MUC22: variants seen among roughly 807,000 people sequenced by gnomAD.
MUC22 encodes mucin-22.
MUC22 carries 24 observed loss-of-function variants against 40.3 expected under a neutral mutation model. The ratio of observed to expected loss-of-function variants is 0.60; its 90% CI spans 0.43 to 0.84. The LOEUF is 0.84. Ranked by LOEUF, MUC22 falls within the 40% of genes least tolerant of loss-of-function variation. MUC22 has a pLI of 0.00. For missense variants in MUC22, 1,926 were observed against 2,130.7 expected, an observed-to-expected ratio of 0.90 and a Z score of 1.89; for synonymous variants, 765 against 844.5, an observed-to-expected ratio of 0.91 and a Z score of 1.63.
intron 1 of MUC22, among the ~76,000 whole-genome samples, chr6:31,018,419 T>C (rs1266858421): frequency 6.6e-6 from 1 of 152,214 alleles, no homozygotes; most frequent in Non-Finnish European, 1.5e-5. Flanking sequence ...ATTAATAATC[T>C]ACCAGTAGTT....
exon 4 of MUC22, chr6:31,035,019 T>A: frequency 7.2e-7 from 1 of 1,397,156 alleles, no homozygotes; most frequent in Non-Finnish European, 9.5e-7. Context: ...AGATTGGGTA[T>A]CAAAACATAT....
rs867887576 is a variant in MUC22, at chr6:31,026,717, T to C, written c.1286T>C (p.Val429Ala). 9 of 1,491,892 alleles carry C rather than the reference T, an allele frequency of 6.0e-6. No individual in the cohort carries two copies. In the African/African-American group the frequency reaches 1.3e-4, roughly 22 times the overall value. 92.4% of individuals were successfully genotyped at this position (1,491,892 alleles called of 1,614,324 possible). Residue 429 changes from valine (V) to alanine (A), a missense_variant, in exon 2 of 4, where the codon GTC becomes GCC. Coordinates refer to ENST00000561890, the Ensembl canonical transcript of MUC22. Reference sequence around the variant, plus strand: ...ACCACAGGCTCTGAGATGACCACAGTCTTCACTGCAGGCTCGGAAACCATC... The same window carrying C: ...ACCACAGGCTCTGAGATGACCACAGCCTTCACTGCAGGCTCGGAAACCATC...
At chr6:31,022,298 C>T (rs1338135718) in intron 1 of MUC22, among the ~76,000 whole-genome samples, 3 of 152,126 alleles carry the variant, frequency 2.0e-5, no homozygotes, top group Non-Finnish European at 2.9e-5. Context: ...GCTGGGATTA[C>T]AGGCATGTAA....
chr6:31,022,022 C>G (rs1273680692), intron 1 of MUC22, among the ~76,000 whole-genome samples: 1 of 152,132 alleles, frequency 6.6e-6, no homozygotes, highest in Non-Finnish European at 1.5e-5. Context: ...AACAATTCCA[C>G]ACGCATGGGC....
intron 1 of MUC22, among the ~76,000 whole-genome samples, chr6:31,022,733 G>C (rs1384053397): frequency 1.3e-5 from 2 of 152,170 alleles, no homozygotes; most frequent in African/African-American, 2.4e-5. Context: ...TGAGCTCACT[G>C]GGAGGTAGAC....
At chr6:31,023,126 A>G (rs1258721877) in intron 1 of MUC22, among the ~76,000 whole-genome samples, 2 of 151,464 alleles carry the variant, frequency 1.3e-5, no homozygotes, top group African/African-American at 4.9e-5. Context: ...CAAGACGCTC[A>G]AAAAACAAAA....
At chr6:31,012,841 C>T (rs796694799) in intron 1 of MUC22, among the ~76,000 whole-genome samples, 16 of 152,296 alleles carry the variant, frequency 1.1e-4, no homozygotes, top group African/African-American at 3.6e-4. Context: ...TCTCCTTCCC[C>T]TCCCATCTCA....
chr6:31,006,121 T>TA, upstream of MUC22: 1 of 397,242 alleles, frequency 2.5e-6, no homozygotes, highest in Non-Finnish European at 4.9e-6. Context: ...AAATGAAAAA[T>TA]AAAAAATGTT....
chr6:31,020,243 C>T (rs932237060), intron 1 of MUC22, among the ~76,000 whole-genome samples: 6 of 147,562 alleles, frequency 4.1e-5, no homozygotes, highest in Non-Finnish European at 6.0e-5. Context: ...TAGAGAGGAG[C>T]AAAGACAAGC....
chr6:31,012,391 C>A (rs1252511317), intron 1 of MUC22, among the ~76,000 whole-genome samples: 1 of 152,240 alleles, frequency 6.6e-6, no homozygotes, highest in African/African-American at 2.4e-5. Flanking sequence ...CTACCCATGC[C>A]TTCCAGATCT....
In MUC22 at chr6:31,032,365, C is replaced by T. The variant is rs977167089; in HGVS notation, c.4839C>T (p.Gly1613=). ...CATCATCTACCACCTCAGCCCACGG[C>T]GTCAGGACCACCACAGGATCCACCC... Residue 1613 remains glycine, a synonymous_variant, in exon 3 of 4, where the codon GGC becomes GGT. Transcript: ENST00000561890. This position sits in a 1 kb window ranked among gnomAD's most constrained non-coding sequence, Gnocchi z 4.1. 97 of 1,535,706 alleles carry T rather than the reference C, an allele frequency of 6.3e-5. 1 individual carries two copies. The highest frequency in any genetic ancestry group is 1.9e-4 in the African/African-American group (14 of 73,158).
exon 2 of MUC22, chr6:31,027,568 T>G: frequency 6.5e-7 from 1 of 1,527,638 alleles, no homozygotes; most frequent in Non-Finnish European, 8.7e-7. Context: ...TACTGAAGGT[T>G]CTGAGACCAC....
chr6:31,013,878 T>A (rs12530384), intron 1 of MUC22, among the ~76,000 whole-genome samples: 8,679 of 150,906 alleles, frequency 0.058, 309 homozygotes, highest in Admixed American at 0.077. Flanking sequence ...GTTTTTTGGG[T>A]TTTTTTTCCT....
chr6:31,014,698 G>A (rs971663803), intron 1 of MUC22, among the ~76,000 whole-genome samples: 1 of 152,224 alleles, frequency 6.6e-6, no homozygotes, highest in African/African-American at 2.4e-5. Context: ...CCTAAGGTAA[G>A]TATTATAGGA....
At chr6:31,025,507 G>A (rs1489981516) in exon 2 of MUC22, 23 of 1,495,342 alleles carry the variant, frequency 1.5e-5, no homozygotes, top group Non-Finnish European at 1.9e-5. Flanking sequence ...CTCAGGCTCT[G>A]AGAATACCAC....
At position 31,011,586 on chromosome 6, in the gene MUC22, C is replaced by T. The variant is rs544476205; in HGVS notation, c.70+810C>T. Reference sequence around the variant, plus strand: ...TATATATGCCAGTTTCTTTATCCACCGTTGATTGATGGGCATTTGGGTTCC... The same window carrying T: ...TATATATGCCAGTTTCTTTATCCACTGTTGATTGATGGGCATTTGGGTTCC... On this transcript the variant is annotated intron_variant, in intron 1 of 3. Coordinates refer to ENST00000561890, the Ensembl canonical transcript of MUC22. The surrounding 1 kb of genome is among the most constrained non-coding windows in gnomAD (Gnocchi z 4.5). Among the ~76,000 whole-genome samples the T allele has an allele frequency of 9.9e-5, 15 of 152,248 alleles. No homozygotes were observed. The highest frequency in any genetic ancestry group is 1.9e-4 in the East Asian group (1 of 5,182).
At chr6:31,016,789 G>A (rs1429032504) in intron 1 of MUC22, among the ~76,000 whole-genome samples, 2 of 152,222 alleles carry the variant, frequency 1.3e-5, no homozygotes, top group Non-Finnish European at 2.9e-5. Context: ...AGGGAGGTGT[G>A]GAGGGAGAGG....
At chr6:31,005,967 C>T (rs779902024), upstream of MUC22, among the ~76,000 whole-genome samples, 2 of 152,080 alleles carry the variant, frequency 1.3e-5, no homozygotes. Context: ...AACTAGCTGG[C>T]GTGGTGGCAG....
intron 1 of MUC22, among the ~76,000 whole-genome samples, chr6:31,013,286 C>A (rs898221778): frequency 6.6e-6 from 1 of 151,916 alleles, no homozygotes; most frequent in Admixed American, 6.6e-5. Flanking sequence ...ACCGCCACGC[C>A]CAGCTAATTT....
Sources: gnomAD v4.1 joint callset for allele counts (sites outside exome capture counted in the v4.1 genomes callset) on GRCh38, gnomAD v4.1.1 for gene constraint, Gnocchi (gnomAD v3.1) non-coding constraint, MANE v1.5 for transcripts, NCBI Gene and HGNC (gene_info 2026-07-23, HGNC 2026-07-21) for gene names.